SPTLC1: variants seen among roughly 807,000 people sequenced by gnomAD.
SPTLC1 encodes the protein serine palmitoyltransferase 1.
Under a neutral mutation model 68.9 loss-of-function variants are expected in SPTLC1, and 55 were observed. That is an observed-to-expected ratio of 0.80 (90% CI 0.64 to 1.00). The LOEUF (loss-of-function observed/expected upper bound fraction) is 1.00, where lower values mean the gene tolerates loss of function less well. SPTLC1 is among the 50% of genes least tolerant of loss of function. The pLI is 0.00. For missense variants in SPTLC1, 449 were observed against 573.1 expected (o/e 0.78, Z 2.21); for synonymous variants, 197 against 201.6 (o/e 0.98, Z 0.19).
At chr9:92,063,586 C>T (rs916696480) in intron 6 of SPTLC1, among the ~76,000 whole-genome samples, 1 of 151,958 alleles carries the variant, frequency 6.6e-6, no homozygotes, top group Non-Finnish European at 1.5e-5. Context: ...CCCTCATGAA[C>T]ACAGATTCAA....
intron 12 of SPTLC1, 86 bp from the exon 13 acceptor site, chr9:92,038,451 T>C: frequency 1.1e-6 from 1 of 884,640 alleles, no homozygotes; most frequent in Non-Finnish European, 1.9e-6. Flanking sequence ...AAGTCCACAA[T>C]GTCAAGGCAC....
Position 92,104,500 on chromosome 9 carries a change from C to G in SPTLC1, c.260+4240G>C, listed in dbSNP as rs183663018. Reference sequence around the variant, plus strand: ...GCCTCCTGTGGTCTGGAGCCCCCCCCTCAAGGAAGAAACCCGTGCTGTCTG... The same window carrying G: ...GCCTCCTGTGGTCTGGAGCCCCCCCGTCAAGGAAGAAACCCGTGCTGTCTG... On this transcript the variant is annotated intron_variant, in intron 3 of 14. Coordinates refer to ENST00000262554, the MANE Select transcript of SPTLC1 (RefSeq NM_006415.4). The G allele has an allele frequency of 5.9e-4, 844 of 1,418,750 alleles. 8 individuals are homozygous for G. The African/African-American group carries it at 9.5e-3, about 16-fold the overall frequency. The allele number at this position is 1,418,750 out of a possible 1,614,324, so 87.9% of individuals were successfully genotyped here.
rs1564095234 is a variant in SPTLC1 at position 92,063,832 on chromosome 9, G to GA, written c.560+4133dup. On this transcript the variant is annotated intron_variant, in intron 6 of 14. Coordinates refer to ENST00000262554, the MANE Select transcript of SPTLC1 (RefSeq NM_006415.4). The stretch of plus-strand genomic sequence containing the variant: ...CATTGATTTGCAATGAAAATGCTCA[G>GA]AAAAAAAAGATGAGGTGCAGGAAAG... 4.6e-5 allele frequency among the ~76,000 whole-genome samples: 7 copies of GA among 151,762 alleles called. 1 individual carries two copies. Among genetic ancestry groups the GA allele is most frequent in the Admixed American group, 4.6e-4 (7 of 15,220 alleles).
chr9:92,075,041 C>T (rs1327589750), intron 5 of SPTLC1, among the ~76,000 whole-genome samples: 1 of 152,068 alleles, frequency 6.6e-6, no homozygotes, highest in Non-Finnish European at 1.5e-5. Flanking sequence ...GCTTTCTTTT[C>T]GTCCATTTGT....
At chr9:92,093,469 GCACA>G (rs573498464) in intron 3 of SPTLC1, among the ~76,000 whole-genome samples, 1 of 151,338 alleles carries the variant, frequency 6.6e-6, no homozygotes, top group South Asian at 2.1e-4. Flanking sequence ...AAACAAGTGT[GCACA>G]CACACACACA....
intron 6 of SPTLC1, 116 bp downstream of exon 6, chr9:92,067,850 G>T: frequency 7.6e-7 from 1 of 1,316,846 alleles, no homozygotes; most frequent in East Asian, 2.4e-5. Flanking sequence ...ACTATTTCTT[G>T]AAAAACAAAA....
At chr9:92,098,394 T>A (rs1646676492) in intron 3 of SPTLC1, among the ~76,000 whole-genome samples, 2 of 151,992 alleles carry the variant, frequency 1.3e-5, no homozygotes, top group Admixed American at 6.6e-5. Flanking sequence ...TGCGGACCAG[T>A]GAACCTCGCC....
chr9:92,059,670 A>G (rs1445148924), intron 6 of SPTLC1, among the ~76,000 whole-genome samples: 1 of 152,224 alleles, frequency 6.6e-6, no homozygotes, highest in African/African-American at 2.4e-5. Flanking sequence ...TGACTGACAC[A>G]TTACTCTGCC....
At chr9:92,043,852 G>A (rs1833425946) in intron 12 of SPTLC1, among the ~76,000 whole-genome samples, 1 of 152,294 alleles carries the variant, frequency 6.6e-6, no homozygotes, top group East Asian at 1.9e-4. Context: ...AACCATGCCA[G>A]GGCTTCCTCT....
At position 92,050,862 on chromosome 9, in the gene SPTLC1, G is replaced by C. The variant is rs531024909; in HGVS notation, c.781-795C>G. Reference sequence around the variant, plus strand: ...GAGTCTTGCTCTGCCACCCAGGCTAGAGTGCAGTGGTAGGATCATGGCTCA... The same window carrying C: ...GAGTCTTGCTCTGCCACCCAGGCTACAGTGCAGTGGTAGGATCATGGCTCA... On this transcript the variant is annotated intron_variant, in intron 8 of 14. Transcript: ENST00000262554. 23 of 180,776 alleles carry C rather than the reference G, an allele frequency of 1.3e-4. No individual in the cohort carries two copies. The Admixed American group carries it at 1.6e-3, about 13-fold the overall frequency. The allele number at this position is 180,776 out of a possible 1,614,324, so 11.2% of individuals were successfully genotyped here.
At chr9:92,076,899 C>G (rs1257604512) in intron 5 of SPTLC1, 1 of 152,180 alleles carries the variant, frequency 6.6e-6, no homozygotes, top group Non-Finnish European at 1.5e-5. Flanking sequence ...TTCTAACAGA[C>G]ATAATTCCCC....
At position 92,079,338 on chromosome 9, in the gene SPTLC1, AG is replaced by A; in HGVS notation, c.427+677del. On this transcript the variant is annotated intron_variant, in intron 5 of 14. Coordinates refer to ENST00000262554, the MANE Select transcript of SPTLC1 (RefSeq NM_006415.4). Reference sequence around the variant, plus strand: ...TGATCTGCCTGCCTCAGCCTTTGAAAGTGCTGGGATTACAGGCATGAGCCAC... The same window carrying A: ...TGATCTGCCTGCCTCAGCCTTTGAAATGCTGGGATTACAGGCATGAGCCAC... 3.0e-6 allele frequency: 4 copies of A among 1,349,636 alleles called. No homozygotes were observed. In the South Asian group the frequency reaches 6.4e-5, roughly 22 times the overall value. The allele number at this position is 1,349,636 out of a possible 1,614,324, so 83.6% of individuals were successfully genotyped here. A position where few individuals can be genotyped will look rare whatever the true frequency, so the allele number is the denominator to read the frequency against.
intron 3 of SPTLC1, among the ~76,000 whole-genome samples, chr9:92,086,826 C>G (rs1835157301): frequency 6.6e-6 from 1 of 152,190 alleles, no homozygotes; most frequent in Non-Finnish European, 1.5e-5. Context: ...TGGATAATAT[C>G]CTGCAGAGTG....
intron 13 of SPTLC1, among the ~76,000 whole-genome samples, chr9:92,037,165 C>T (rs1317393): frequency 0.039 from 5,902 of 152,254 alleles, 393 homozygotes; most frequent in African/African-American, 0.13. Context: ...GCCTGCACAC[C>T]CGGTCTGTAT....
At chr9:92,043,989 T>C (rs1833430290) in intron 12 of SPTLC1, among the ~76,000 whole-genome samples, 1 of 152,158 alleles carries the variant, frequency 6.6e-6, no homozygotes, top group Non-Finnish European at 1.5e-5. Context: ...CTATTTTGTT[T>C]ACTGTTCTCT....
intron 3 of SPTLC1, chr9:92,105,043 G>C: frequency 6.5e-7 from 1 of 1,527,844 alleles, no homozygotes; most frequent in Non-Finnish European, 8.8e-7. Context: ...TGAAGGTGCT[G>C]GGTAAAGACC....
intron 6 of SPTLC1, among the ~76,000 whole-genome samples, chr9:92,067,731 C>A (rs935991455): frequency 2.6e-5 from 4 of 152,138 alleles, no homozygotes; most frequent in African/African-American, 9.7e-5. Flanking sequence ...AGATAGCTGT[C>A]CTCATCTGGA....
At chr9:92,038,487 G>A in intron 12 of SPTLC1, 122 bp from the exon 13 acceptor site, 1 of 766,148 alleles carries the variant, frequency 1.3e-6, no homozygotes. Flanking sequence ...GCTTGCGACT[G>A]ATGGGAAGCA....
At chr9:92,108,537 A>C (rs1347627619) in intron 3 of SPTLC1, 1 of 620,734 alleles carries the variant, frequency 1.6e-6, no homozygotes, top group African/African-American at 1.9e-5. Context: ...GCAAACATTA[A>C]TGCTTAAATT....
Sources: allele counts gnomAD v4.1 joint callset (sites outside exome capture counted in the v4.1 genomes callset), GRCh38; gene constraint gnomAD v4.1.1; transcripts MANE v1.5; gene names NCBI Gene and HGNC (gene_info 2026-07-23, HGNC 2026-07-21).